NRXN1: variants seen among roughly 807,000 people sequenced by gnomAD.
NRXN1 encodes neurexin-1.
NRXN1 carries 39 observed loss-of-function variants against 150.9 expected under a neutral mutation model. The observed-to-expected ratio is 0.26, with a 90% CI of 0.20 to 0.34. The LOEUF (loss-of-function observed/expected upper bound fraction) is 0.34. Ranked by LOEUF, NRXN1 falls within the 10% of genes least tolerant of loss-of-function variation. The pLI is 1.00. For synonymous variants in NRXN1, 924 were observed against 757.0 expected, an observed-to-expected ratio of 1.22 and a Z score of -3.62; for missense variants, 1,815 against 1,949.9, an observed-to-expected ratio of 0.93 and a Z score of 1.30.
At chr2:50,156,815 C>T (rs555411084) in intron 18 of NRXN1, among the ~76,000 whole-genome samples, 67 of 152,034 alleles carry the variant, frequency 4.4e-4, no homozygotes, top group African/African-American at 1.1e-3. Context: ...AACCACAGTA[C>T]TGCTATTGGT....
chr2:50,329,278 A>G (rs568483362), intron 17 of NRXN1, among the ~76,000 whole-genome samples: 2 of 152,288 alleles, frequency 1.3e-5, no homozygotes, highest in East Asian at 3.9e-4. Flanking sequence ...TTGGTGAAAT[A>G]CAATTGGCAA....
At chr2:50,301,057 A>G (rs1449737618) in intron 17 of NRXN1, among the ~76,000 whole-genome samples, 2 of 152,176 alleles carry the variant, frequency 1.3e-5, no homozygotes, top group Non-Finnish European at 1.5e-5. Context: ...CAAAAATACA[A>G]AAAGAGCTGG....
chr2:50,252,253 C>CTT (rs2067187876), intron 17 of NRXN1, among the ~76,000 whole-genome samples: 20 of 58,848 alleles, frequency 3.4e-4, no homozygotes, highest in African/African-American at 6.8e-4. Flanking sequence ...TTTCTTTTTT[C>CTT]TTTTCTTTTT....
intron 18 of NRXN1, among the ~76,000 whole-genome samples, chr2:50,236,547 T>C (rs2065444819): frequency 6.7e-6 from 1 of 149,064 alleles, no homozygotes; most frequent in Non-Finnish European, 1.5e-5. Flanking sequence ...AAAATTATTT[T>C]GAACACAGAA....
At chr2:51,018,348 C>A (rs1669067830) in intron 2 of NRXN1, among the ~76,000 whole-genome samples, 1 of 152,056 alleles carries the variant, frequency 6.6e-6, no homozygotes, top group South Asian at 2.1e-4. Context: ...GGTGTCAGTG[C>A]ATTTCTAATT....
At chr2:50,035,951 C>G (rs1291536186) in intron 21 of NRXN1, among the ~76,000 whole-genome samples, 1 of 152,094 alleles carries the variant, frequency 6.6e-6, no homozygotes, top group Non-Finnish European at 1.5e-5. Context: ...TAAACAGCAC[C>G]TGCTGTCAGC....
intron 17 of NRXN1, among the ~76,000 whole-genome samples, chr2:50,395,865 A>G (rs2082020911): frequency 6.6e-6 from 1 of 152,116 alleles, no homozygotes; most frequent in African/African-American, 2.4e-5. Flanking sequence ...TTTTTAGTGT[A>G]GAACTCACTG....
intron 15 of NRXN1, among the ~76,000 whole-genome samples, chr2:50,481,215 A>C (rs2090433387): frequency 6.6e-6 from 1 of 152,226 alleles, no homozygotes; most frequent in African/African-American, 2.4e-5. Flanking sequence ...CAAGTGGCCA[A>C]TATGTACAGC....
At chr2:50,215,486 T>C (rs2063332843) in intron 18 of NRXN1, among the ~76,000 whole-genome samples, 1 of 152,000 alleles carries the variant, frequency 6.6e-6, no homozygotes, top group South Asian at 2.1e-4. Context: ...AAACATTTAA[T>C]TTATAAATAA....
intron 2 of NRXN1, among the ~76,000 whole-genome samples, chr2:51,017,479 T>A (rs1668871734): frequency 7.6e-6 from 1 of 130,896 alleles, no homozygotes; most frequent in African/African-American, 2.8e-5. Flanking sequence ...GGGACTACAA[T>A]ACACGTATGG....
At chr2:50,286,424 T>A (rs1331801289) in intron 17 of NRXN1, among the ~76,000 whole-genome samples, 2 of 152,178 alleles carry the variant, frequency 1.3e-5, no homozygotes, top group African/African-American at 4.8e-5. Context: ...TCACATAATG[T>A]CCCCCAGTTT....
At chr2:50,799,338 C>T (rs1219858552) in intron 5 of NRXN1, among the ~76,000 whole-genome samples, 2 of 152,108 alleles carry the variant, frequency 1.3e-5, no homozygotes, top group East Asian at 1.9e-4. Context: ...AATTCCTATA[C>T]AGATGGTGAA....
intron 5 of NRXN1, among the ~76,000 whole-genome samples, chr2:50,838,718 C>T (rs145052754): frequency 1.3e-5 from 2 of 152,116 alleles, no homozygotes; most frequent in Non-Finnish European, 2.9e-5. Flanking sequence ...GAAAGAACAC[C>T]AAGGACCACC....
At chr2:50,407,946 T>C (rs895849177) in intron 17 of NRXN1, among the ~76,000 whole-genome samples, 14 of 152,184 alleles carry the variant, frequency 9.2e-5, no homozygotes, top group Admixed American at 3.9e-4. Context: ...TTCTCACTCA[T>C]ACTATTTTAA....
At chr2:50,593,096 A>T (rs1674557411) in intron 8 of NRXN1, among the ~76,000 whole-genome samples, 1 of 152,236 alleles carries the variant, frequency 6.6e-6, no homozygotes, top group African/African-American at 2.4e-5. Flanking sequence ...ATTCTCCCAG[A>T]TCAGAGTCTG....
At chr2:50,813,142 C>T (rs1339062144) in intron 5 of NRXN1, among the ~76,000 whole-genome samples, 1 of 151,714 alleles carries the variant, frequency 6.6e-6, no homozygotes, top group East Asian at 1.9e-4. Flanking sequence ...TGGAGTGAGC[C>T]ATCACTGCCT....
intron 17 of NRXN1, among the ~76,000 whole-genome samples, chr2:50,442,280 C>G (rs1228187307): frequency 3.3e-5 from 5 of 152,050 alleles, no homozygotes; most frequent in African/African-American, 9.7e-5. Context: ...TACATGTTGC[C>G]TATCATTATT....
chr2:50,808,476 A>G (rs1038319638), intron 5 of NRXN1, among the ~76,000 whole-genome samples: 8 of 146,962 alleles, frequency 5.4e-5, no homozygotes, highest in African/African-American at 2.0e-4. Context: ...ACTGAAATGC[A>G]AAAAAAAAGA....
At chr2:50,248,036 G>C (rs1230595095) in intron 17 of NRXN1, among the ~76,000 whole-genome samples, 1 of 151,996 alleles carries the variant, frequency 6.6e-6, no homozygotes, top group African/African-American at 2.4e-5. Flanking sequence ...TATTGAGACA[G>C]AGTCTCATTC....
Sources: allele counts gnomAD v4.1 joint callset (sites outside exome capture counted in the v4.1 genomes callset), GRCh38; gene constraint gnomAD v4.1.1; transcripts MANE v1.5; gene names NCBI Gene and HGNC (gene_info 2026-07-23, HGNC 2026-07-21).